Variants in SAE1 observed in about 807,000 individuals in gnomAD.
SAE1 encodes SUMO1 activating enzyme subunit 1, also known as SUMO-activating enzyme subunit 1.
A neutral mutation model predicts 40.6 loss-of-function variants in SAE1; 11 were observed. The ratio of observed to expected loss-of-function variants is 0.27; its 90% CI spans 0.17 to 0.45. SAE1 has a LOEUF of 0.45. Among genes scored for constraint, SAE1 ranks in the 20% least tolerant of loss-of-function variants. The pLI, the probability that SAE1 is intolerant of heterozygous loss-of-function variation, is 1.00. For synonymous variants in SAE1, 155 were observed against 154.3 expected (o/e 1.00, Z -0.03); for missense variants, 373 against 427.3 (o/e 0.87, Z 1.12).
chr19:47,171,254 T>C (rs2123255608), intron 6 of SAE1, among the ~76,000 whole-genome samples: 1 of 152,104 alleles, frequency 6.6e-6, no homozygotes, highest in East Asian at 1.9e-4. Flanking sequence ...ATTACAGGTG[T>C]GAGCCACCGC....
In SAE1 at chr19:47,155,230, G is replaced by A. The variant is rs971810036; in HGVS notation, c.627+17G>A. 1.6e-5 allele frequency: 25 copies of A among 1,562,434 alleles called. No individual in the cohort carries two copies. Among genetic ancestry groups the A allele is most frequent in the Non-Finnish European group, 2.2e-5 (25 of 1,133,634 alleles). ...GTCAAAAAGGTATGTGTAACGTGGG[G>A]GCAGAGGTCAGAAACCCTGGGGCCT... On this transcript the variant is annotated intron_variant, in intron 5 of 8. Coordinates refer to ENST00000270225, the MANE Select transcript of SAE1 (RefSeq NM_005500.3).
intron 6 of SAE1, among the ~76,000 whole-genome samples, chr19:47,170,570 T>C (rs989346930): frequency 5.7e-5 from 8 of 140,632 alleles, no homozygotes; most frequent in Non-Finnish European, 9.2e-5. Flanking sequence ...GCAGTAGCGC[T>C]ATCATGGTTC....
chr19:47,155,710 G>A (rs563259541), intron 5 of SAE1, among the ~76,000 whole-genome samples: 3 of 151,102 alleles, frequency 2.0e-5, no homozygotes. Context: ...CCAAAGTGCT[G>A]GGATTACAGG....
chr19:47,159,513 G>A (rs1449810118), intron 5 of SAE1, among the ~76,000 whole-genome samples: 1 of 151,674 alleles, frequency 6.6e-6, no homozygotes, highest in Admixed American at 6.6e-5. Flanking sequence ...GCTGTTAACT[G>A]CAGCATAATC....
chr19:47,138,976 TAAG>T (rs1346903274), intron 1 of SAE1, among the ~76,000 whole-genome samples: 12 of 152,142 alleles, frequency 7.9e-5, no homozygotes, highest in Non-Finnish European at 1.8e-4. Flanking sequence ...ATGTGTCCCT[TAAG>T]AAGTTGAGGG....
At chr19:47,137,343 A>G (rs1053787687) in intron 1 of SAE1, among the ~76,000 whole-genome samples, 1 of 152,150 alleles carries the variant, frequency 6.6e-6, no homozygotes, top group Non-Finnish European at 1.5e-5. Context: ...AGCCAAGGTC[A>G]CACTATCGCA....
At chr19:47,147,458 T>C (rs966381405) in intron 2 of SAE1, among the ~76,000 whole-genome samples, 1 of 151,590 alleles carries the variant, frequency 6.6e-6, no homozygotes, top group Non-Finnish European at 1.5e-5. Context: ...TATGTTTTTT[T>C]TGTTTGTTTT....
chr19:47,174,563 ATTTTTTTTT>A (rs71180803), intron 6 of SAE1, among the ~76,000 whole-genome samples: 2 of 88,526 alleles, frequency 2.3e-5, no homozygotes, highest in Admixed American at 2.9e-4. Flanking sequence ...CGCCTGGCAA[ATTTTTTTTT>A]TTTTTTTTTT....
chr19:47,169,744 T>C, intron 5 of SAE1, 74 bp from the exon 6 acceptor site: 1 of 966,300 alleles, frequency 1.0e-6, no homozygotes, highest in South Asian at 1.3e-5. Context: ...TTTTCTGCAA[T>C]AGAGAAGAGC....
chr19:47,197,754 G>T (rs1014438191), intron 7 of SAE1, among the ~76,000 whole-genome samples: 1 of 152,176 alleles, frequency 6.6e-6, no homozygotes, highest in Admixed American at 6.6e-5. Flanking sequence ...GTGAAGCGAT[G>T]GAGTTTATTG....
chr19:47,161,023 ATGGGATGTAACTC>A (rs1432874617), intron 5 of SAE1, among the ~76,000 whole-genome samples: 1 of 152,062 alleles, frequency 6.6e-6, no homozygotes, highest in African/African-American at 2.4e-5. Flanking sequence ...TATTTTTGAG[ATGGGATGTAACTC>A]TGTAGCCCAG....
rs566605369 is a variant in SAE1 at position 47,177,376 on chromosome 19, C to G, written c.733+7453C>G. 2.0e-5 allele frequency among the ~76,000 whole-genome samples: 3 copies of G among 152,236 alleles called. No homozygotes were observed. The South Asian group carries it at 6.2e-4, about 32-fold the overall frequency. Reference sequence around the variant, plus strand: ...GTTTTTGTTTGTTTTTTTTCCCCCCCAAAACAGGGTCTTGCTCTGCTTTCC... The same window carrying G: ...GTTTTTGTTTGTTTTTTTTCCCCCCGAAAACAGGGTCTTGCTCTGCTTTCC... On this transcript the variant is annotated intron_variant, in intron 6 of 8. Transcript: ENST00000270225.
chr19:47,204,879 T>G (rs1029653364), intron 8 of SAE1, among the ~76,000 whole-genome samples: 4 of 152,110 alleles, frequency 2.6e-5, no homozygotes, highest in Admixed American at 2.6e-4. Context: ...CAGGAGCCCC[T>G]CAAGGCTCTG....
chr19:47,165,377 A>G (rs961067220), intron 5 of SAE1, among the ~76,000 whole-genome samples: 3 of 152,186 alleles, frequency 2.0e-5, no homozygotes, highest in African/African-American at 7.2e-5. Flanking sequence ...GGTGTGAGCC[A>G]CCGCACCCGG....
intron 5 of SAE1, among the ~76,000 whole-genome samples, chr19:47,162,489 G>A (rs1006777958): frequency 1.3e-4 from 20 of 151,940 alleles, no homozygotes; most frequent in Admixed American, 1.1e-3. Context: ...AACTTCAGGC[G>A]TTTTTTTTCC....
chr19:47,202,087 AG>A (rs2058658874), intron 7 of SAE1, among the ~76,000 whole-genome samples: 4 of 152,270 alleles, frequency 2.6e-5, no homozygotes, highest in Admixed American at 2.6e-4. Flanking sequence ...GAATGGATAC[AG>A]CCTTTTGGGA....
Position 47,153,016 on chromosome 19 carries a change from A to G in SAE1, c.503A>G (p.Asn168Ser), listed in dbSNP as rs777840776. 8.3e-5 allele frequency: 134 copies of G among 1,613,350 alleles called. No individual in the cohort carries two copies. The highest frequency in any genetic ancestry group is 1.1e-4 in the Non-Finnish European group (128 of 1,179,722). ...VFGYHGYTFA[N>S]LGEHEFVEEK... is the part of the protein sequence containing the mutation. Reference sequence around the variant, plus strand: ...GGCTACCATGGATACACATTTGCCAATCTAGGAGAGCATGAGTTTGTAGAG... The same window carrying G: ...GGCTACCATGGATACACATTTGCCAGTCTAGGAGAGCATGAGTTTGTAGAG... Residue 168 changes from asparagine (N) to serine (S), a missense_variant, in exon 4 of 9, where the codon AAT becomes AGT. Asn to Ser is a conservative substitution (Grantham distance 46). This residue lies in a region of SAE1 where 351 missense variants were observed against 390.6 expected (regional missense o/e 0.90). Transcript: ENST00000270225.
intron 6 of SAE1, among the ~76,000 whole-genome samples, chr19:47,182,496 T>TGTGTGTGTGTGTGTGTGTGTGCGC (rs143321323): frequency 2.1e-5 from 3 of 145,938 alleles, no homozygotes; most frequent in African/African-American, 7.8e-5. Flanking sequence ...TGTGTGTGTG[T>TGTGTGTGTGTGTGTGTGTGTGCGC]GCGCGCACGC....
chr19:47,186,135 G>T (rs866907498), intron 6 of SAE1, among the ~76,000 whole-genome samples: 3 of 151,766 alleles, frequency 2.0e-5, no homozygotes, highest in Non-Finnish European at 4.4e-5. Flanking sequence ...AGCTACTAGG[G>T]AGGCTGAAGC....
Sources: gnomAD v4.1 joint callset for allele counts (sites outside exome capture counted in the v4.1 genomes callset) on GRCh38, gnomAD v4.1.1 for gene constraint, gnomAD v4.1.1 regional missense constraint, MANE v1.5 for transcripts, NCBI Gene and HGNC (gene_info 2026-07-23, HGNC 2026-07-21) for gene names.